Variants in PLEC observed in about 807,000 individuals in gnomAD.
PLEC encodes the protein plectin.
A neutral mutation model predicts 392.8 loss-of-function variants in PLEC; 216 were observed. That is an observed-to-expected ratio of 0.55 (90% CI 0.49 to 0.62). PLEC has a LOEUF of 0.62. Among genes scored for constraint, PLEC ranks in the 20% least tolerant of loss-of-function variants. The pLI, the probability that PLEC is intolerant of heterozygous loss-of-function variation, is 0.00. For synonymous variants in PLEC, 3,621 were observed against 2,980.6 expected, an observed-to-expected ratio of 1.21 and a Z score of -7.00; for missense variants, 6,863 against 6,563.4, an observed-to-expected ratio of 1.05 and a Z score of -1.58.
chr8:143,940,281 G>A (rs1830202294), upstream of PLEC, among the ~76,000 whole-genome samples: 1 of 152,214 alleles, frequency 6.6e-6, no homozygotes, highest in South Asian at 2.1e-4. Flanking sequence ...TCACGTCGGA[G>A]GCGCGTAGCT....
In PLEC at chr8:143,916,328, C is replaced by T. The variant is rs782435339; in HGVS notation, c.13493G>A (p.Arg4498Gln). ...AAAGCTGCCGCGGCGGGAGCCGGCCCGGGAGCCGGTGCGCGAGCCGGTGCG... is the reference window on the plus strand; with the variant it reads ...AAAGCTGCCGCGGCGGGAGCCGGCCTGGGAGCCGGTGCGCGAGCCGGTGCG... ...GSRTGSRTGS[R>Q]AGSRRGSFDA... Residue 4498 changes from arginine to glutamine, a missense_variant, in exon 32 of 32, where the codon CGG becomes CAG. By Grantham distance (43) the Arg-to-Gln change is conservative (BLOSUM62 1). Transcript: ENST00000345136. 2.6e-5 allele frequency: 42 copies of T among 1,590,828 alleles called. No homozygotes were observed. The highest frequency in any genetic ancestry group is 6.8e-5 in the East Asian group (3 of 43,892).
Position 143,915,950 on chromosome 8 carries a change from T to G in PLEC, c.*227A>C. ...TGTGTGAGTGGCAGGTAGAAGGGAG[T>G]GAGGAGACCCGAGGGGGTGAGGCGG... On this transcript the variant is annotated 3_prime_UTR_variant, in exon 32 of 32. Transcript: ENST00000345136. The G allele has an allele frequency of 2.6e-6, 1 of 388,082 alleles. No homozygotes were observed. Among genetic ancestry groups the G allele is most frequent in the Non-Finnish European group, 4.6e-6 (1 of 218,232 alleles). The allele number at this position is 388,082 out of a possible 1,614,324, so 24.0% of individuals were successfully genotyped here.
At chr8:143,968,214 T>C (rs541953133) in intron 1 of PLEC, among the ~76,000 whole-genome samples, 1 of 150,934 alleles carries the variant, frequency 6.6e-6, no homozygotes, top group Non-Finnish European at 1.5e-5. Context: ...TTCTTAAATA[T>C]GGCACCAAAA....
exon 1 of PLEC, chr8:143,950,840 A>G: frequency 6.8e-7 from 1 of 1,479,990 alleles, no homozygotes; most frequent in South Asian, 1.3e-5. Flanking sequence ...GCGGGCGGGC[A>G]GGCAGGCTGG....
At position 143,924,422 on chromosome 8, in the gene PLEC, G is replaced by T; in HGVS notation, c.5507C>A (p.Ala1836Glu). 3 of 1,589,546 alleles carry T rather than the reference G, an allele frequency of 1.9e-6. No homozygotes were observed. Among genetic ancestry groups the T allele is most frequent in the South Asian group, 1.1e-5 (1 of 90,136 alleles). Residue 1836 changes from alanine (A) to glutamate (E), a missense_variant, in exon 31 of 32, where the codon GCG (alanine) becomes GAG (glutamate). Transcript: ENST00000345136. ...RQRAEAERVL[A>E]EKLAAIGEAT... Reference sequence around the variant, plus strand: ...CTCGCCGATGGCGGCCAGCTTCTCCGCAAGCACCCGCTCCGCCTCGGCCCG... The same window carrying T: ...CTCGCCGATGGCGGCCAGCTTCTCCTCAAGCACCCGCTCCGCCTCGGCCCG...
Position 143,931,659 on chromosome 8 carries a change from A to C in PLEC, c.2179T>G (p.Phe727Val). ...HLKENAAYFQ[F>V]FSDVREAEGQ... Reference sequence around the variant, plus strand: ...TCGGCCTCCCGCACATCTGAGAAGAACTGGGGCAGCGGGAGGGGGTCACGC... The same window carrying C: ...TCGGCCTCCCGCACATCTGAGAAGACCTGGGGCAGCGGGAGGGGGTCACGC... The change falls in exon 19 of 32, where the codon TTC becomes GTC. Residue 727 changes from phenylalanine to valine, a missense_variant and splice_region_variant. By Grantham distance (50) the Phe-to-Val change is conservative (BLOSUM62 -1). Transcript: ENST00000345136. 6.3e-7 allele frequency: 1 copy of C among 1,599,300 alleles called. No homozygotes were observed. The highest frequency in any genetic ancestry group is 8.5e-7 in the Non-Finnish European group (1 of 1,173,610).
chr8:143,939,703 G>A, upstream of PLEC: 7 of 1,332,628 alleles, frequency 5.3e-6, no homozygotes, highest in Non-Finnish European at 6.8e-6. Flanking sequence ...TGTCCCGGCG[G>A]GAAGGAGCAA....
intron 1 of PLEC, chr8:143,950,068 A>G: frequency 7.5e-7 from 1 of 1,334,904 alleles, no homozygotes; most frequent in South Asian, 1.5e-5. Context: ...GGTGTGAGCG[A>G]CGCTCCGCAA....
In PLEC at chr8:143,922,858, C is replaced by T. The variant is rs781997946; in HGVS notation, c.7071G>A (p.Leu2357=). The change falls in exon 31 of 32, where the codon CTG becomes CTA. Residue 2357 remains leucine (L), a synonymous_variant. Transcript: ENST00000345136. ...GCTGGAAGCCCTGCGTCTCCTCCGC[C>T]AGCTGCTGCGCCATCTGCTCCTTGT... ...QEDKEQMAQQ[L]AEETQGFQRT... The T allele has an allele frequency of 6.3e-7, 1 of 1,579,736 alleles. No individual in the cohort carries two copies. The highest frequency in any genetic ancestry group is 1.8e-5 in the Admixed American group (1 of 55,472).
rs782461511 is a variant in PLEC, at chr8:143,932,468, C to T, written c.1909G>A (p.Glu637Lys). 3 of 1,612,818 alleles carry T rather than the reference C, an allele frequency of 1.9e-6. No homozygotes were observed. The East Asian group carries it at 6.7e-5, about 36-fold the overall frequency. Residue 637 changes from glutamate to lysine, a missense_variant, in exon 16 of 32, where the codon GAG becomes AAG. Physicochemically the swap from Glu to Lys is moderately conservative, Grantham distance 56 (BLOSUM62 1). Coordinates refer to ENST00000345136, the MANE Select transcript of PLEC (RefSeq NM_201384.3). ...KELMWLNEKEEEEVGFDWSDR... is the reference protein window; with the variant it reads ...KELMWLNEKEKEEVGFDWSDR... ...CTCCAGTCGAAGCCCACCTCCTCCTCCTCCTTCTCATTCAGCCACATTAGC... is the reference window on the plus strand; with the variant it reads ...CTCCAGTCGAAGCCCACCTCCTCCTTCTCCTTCTCATTCAGCCACATTAGC...
upstream of PLEC, chr8:143,943,961 C>T (rs1242532695): frequency 3.8e-5 from 59 of 1,564,232 alleles, no homozygotes; most frequent in Non-Finnish European, 4.7e-5. Flanking sequence ...TAGACAGCCC[C>T]CTCCCTGCGT....
upstream of PLEC, among the ~76,000 whole-genome samples, chr8:143,954,921 A>G (rs1275906958): frequency 6.6e-6 from 1 of 152,052 alleles, no homozygotes; most frequent in Admixed American, 6.5e-5. This position sits in a 1 kb window ranked among gnomAD's most constrained non-coding sequence, Gnocchi z 4.6. Context: ...CCTCCTGTAA[A>G]CAGACCCACT....
chr8:143,932,278 G>A (rs782342086), intron 16 of PLEC, 44 bp from the exon 17 acceptor site: 13 of 1,608,136 alleles, frequency 8.1e-6, no homozygotes, highest in South Asian at 3.3e-5. Flanking sequence ...GGCCACACCC[G>A]GCTCTGCCAC....
chr8:143,917,800 G>A lies in PLEC; in HGVS notation c.12021C>T (p.Ala4007=), dbSNP rs555118583. The change falls in exon 32 of 32, where the codon GCC becomes GCT. Residue 4007 remains alanine (A), a synonymous_variant. Coordinates refer to ENST00000345136, the MANE Select transcript of PLEC (RefSeq NM_201384.3). ...CCTTGTACCCAGTGACGGCGCGCTC[G>A]GCCGACAGCAGCTTGTCCTTGAACT... ...GPEFKDKLLS[A]ERAVTGYKDP... The A allele has an allele frequency of 2.5e-5, 40 of 1,613,470 alleles. No individual in the cohort carries two copies. Among genetic ancestry groups the A allele is most frequent in the African/African-American group, 9.3e-5 (7 of 75,000 alleles).
At chr8:143,953,967 C>T, upstream of PLEC, 1 of 1,305,576 alleles carries the variant, frequency 7.7e-7, no homozygotes, top group Non-Finnish European at 9.9e-7. Flanking sequence ...CCGCACCGCG[C>T]ACCCCTCCCC....
chr8:143,922,663 G>A lies in PLEC; in HGVS notation c.7266C>T (p.Leu2422=), dbSNP rs117306121. 10,063 of 1,613,224 alleles carry A rather than the reference G, an allele frequency of 6.2e-3. 618 individuals are homozygous for A. In the Admixed American group the frequency reaches 0.12, roughly 19 times the overall value. The part of the protein sequence containing the change: ...EIGEKLHRTE[L]ATQEKVTLVQ... ...CCAGGGTCACCTTCTCCTGGGTGGC[G>A]AGCTCCGTGCGGTGCAGCTTCTCAC... Residue 2422 remains leucine, a synonymous_variant, in exon 31 of 32, where the codon CTC becomes CTT. Transcript: ENST00000345136.
intron 1 of PLEC, chr8:143,945,352 G>A (rs1831306009): frequency 8.4e-6 from 3 of 358,508 alleles, no homozygotes; most frequent in South Asian, 2.1e-5. Flanking sequence ...CTCCACCCAG[G>A]AGTCCCGAAG....
chr8:143,948,177 G>A (rs1554733251), intron 1 of PLEC, among the ~76,000 whole-genome samples: 2 of 152,240 alleles, frequency 1.3e-5, no homozygotes, highest in South Asian at 2.1e-4. Flanking sequence ...GGGAGGGCAG[G>A]GGCCTCACTG....
upstream of PLEC, among the ~76,000 whole-genome samples, chr8:143,951,380 A>C (rs1832132115): frequency 6.6e-6 from 1 of 151,898 alleles, no homozygotes; most frequent in African/African-American, 2.4e-5. Context: ...GTCTTGCGGG[A>C]GGAAGTCCGA....
Sources: allele counts gnomAD v4.1 joint callset (sites outside exome capture counted in the v4.1 genomes callset), GRCh38; gene constraint gnomAD v4.1.1; non-coding constraint Gnocchi (gnomAD v3.1); transcripts MANE v1.5; gene names NCBI Gene and HGNC (gene_info 2026-07-23, HGNC 2026-07-21).